Variants in MICU3 observed in about 807,000 individuals in gnomAD.
MICU3 encodes calcium uptake protein 3, mitochondrial.
Under a neutral mutation model 66.5 loss-of-function variants are expected in MICU3, and 62 were observed. The observed-to-expected ratio is 0.93, with a 90% confidence interval of 0.76 to 1.15. The LOEUF (loss-of-function observed/expected upper bound fraction) is 1.15, where lower values mean the gene tolerates loss of function less well. MICU3 is among the 50% of genes most tolerant of loss of function. The probability of loss-of-function intolerance (pLI) is 0.00; values close to 1 mark genes in which losing one functional copy is unlikely to be tolerated. For missense variants in MICU3, 779 were observed against 664.4 expected (o/e 1.17, Z -1.90); for synonymous variants, 308 against 240.7 (o/e 1.28, Z -2.59).
chr8:17,041,136 G>C (rs1652556027), intron 1 of MICU3, among the ~76,000 whole-genome samples: 1 of 152,044 alleles, frequency 6.6e-6, no homozygotes, highest in African/African-American at 2.4e-5. Context: ...CATAAGAATG[G>C]ATGACATTGT....
intron 5 of MICU3, among the ~76,000 whole-genome samples, chr8:17,084,635 C>T (rs1470878062): frequency 6.6e-6 from 1 of 151,944 alleles, no homozygotes; most frequent in Non-Finnish European, 1.5e-5. Flanking sequence ...GAGATTGAAC[C>T]TCATTATTAT....
chr8:17,076,005 T>C (rs79002091), intron 3 of MICU3, among the ~76,000 whole-genome samples: 130 of 152,244 alleles, frequency 8.5e-4, no homozygotes, highest in African/African-American at 2.8e-3. Context: ...ATGTAAAATT[T>C]ATTCAGAATG....
intron 11 of MICU3, among the ~76,000 whole-genome samples, chr8:17,112,765 T>C (rs1802319354): frequency 6.6e-6 from 1 of 152,240 alleles, no homozygotes; most frequent in Admixed American, 6.5e-5. Flanking sequence ...TCGTGTGTTT[T>C]ACTCCTACTA....
At chr8:17,054,070 GA>G (rs1167064956) in intron 1 of MICU3, among the ~76,000 whole-genome samples, 1 of 151,926 alleles carries the variant, frequency 6.6e-6, no homozygotes, top group African/African-American at 2.4e-5. Context: ...CTTTTTGATA[GA>G]AAAAAAATTC....
At chr8:17,132,253 A>G in the MICU3 span, 2 of 152,186 alleles carry the variant, frequency 1.3e-5, no homozygotes, top group African/African-American at 4.8e-5. Flanking sequence ...AAAAAAGGAA[A>G]TATTCAAAAT....
intron 11 of MICU3, among the ~76,000 whole-genome samples, chr8:17,110,197 A>T (rs2150823808): frequency 6.6e-6 from 1 of 152,224 alleles, no homozygotes; most frequent in African/African-American, 2.4e-5. Context: ...TATTGTAATG[A>T]TTTGTTTGGA....
intron 4 of MICU3, among the ~76,000 whole-genome samples, chr8:17,078,596 A>G (rs1310683559): frequency 6.6e-6 from 1 of 152,118 alleles, no homozygotes; most frequent in Non-Finnish European, 1.5e-5. Context: ...AAAATGTTAA[A>G]GAAATTACAT....
intron 2 of MICU3, among the ~76,000 whole-genome samples, chr8:17,064,791 A>G (rs1020595468): frequency 2.0e-5 from 3 of 152,154 alleles, no homozygotes; most frequent in South Asian, 2.1e-4. Context: ...GTTGTTTTCC[A>G]TGAAATATAT....
In MICU3 at chr8:17,027,433, G is replaced by C. The variant is rs375812507; in HGVS notation, c.154G>C (p.Ala52Pro). ...CTCCTCCCGAGAGGATGAGGAGAGG[G>C]CTGTGGCGGAGGCGGCATGGAGGCG... is the stretch of plus-strand genomic sequence containing the variant. The part of the protein sequence containing the change: ...PFSSREDEER[A>P]VAEAAWRRRR... The change falls in exon 1 of 15, where the codon GCT (alanine) becomes CCT (proline). Residue 52 changes from alanine to proline, a missense_variant. Ala to Pro is a conservative substitution (Grantham distance 27). Coordinates refer to ENST00000318063, the MANE Select transcript of MICU3 (RefSeq NM_181723.3). 2 of 1,325,366 alleles carry C rather than the reference G, an allele frequency of 1.5e-6. No homozygotes were observed. Among genetic ancestry groups the C allele is most frequent in the African/African-American group, 3.1e-5 (2 of 65,188 alleles). 82.1% of individuals were successfully genotyped at this position (1,325,366 alleles called of 1,614,324 possible).
At chr8:17,126,194 C>T (rs907561460), downstream of MICU3, among the ~76,000 whole-genome samples, 4 of 152,026 alleles carry the variant, frequency 2.6e-5, no homozygotes, top group East Asian at 1.9e-4. Flanking sequence ...TATAGTACAA[C>T]CTTGAGAGGT....
chr8:17,114,857 C>T (rs544574092), intron 12 of MICU3, among the ~76,000 whole-genome samples: 28 of 152,098 alleles, frequency 1.8e-4, no homozygotes, highest in Middle Eastern at 3.4e-3. Context: ...CGGTGGCTCA[C>T]GCCTGTAATC....
At chr8:17,078,345 C>T (rs766854579) in intron 4 of MICU3, among the ~76,000 whole-genome samples, 11 of 151,970 alleles carry the variant, frequency 7.2e-5, no homozygotes, top group Non-Finnish European at 1.2e-4. Context: ...CCTTTAAAGG[C>T]CAACACTTAC....
chr8:17,043,490 A>G (rs1318786402), intron 1 of MICU3, among the ~76,000 whole-genome samples: 1 of 152,362 alleles, frequency 6.6e-6, no homozygotes, highest in African/African-American at 2.4e-5. Flanking sequence ...GCTTAAAAAT[A>G]TAGTCATAAG....
At chr8:17,072,118 T>A (rs2150680021) in intron 3 of MICU3, among the ~76,000 whole-genome samples, 1 of 152,124 alleles carries the variant, frequency 6.6e-6, no homozygotes, top group Non-Finnish European at 1.5e-5. Flanking sequence ...ACCATTGAGA[T>A]GAGAATAATG....
In MICU3 at chr8:17,063,620, G is replaced by A. The variant is rs544006236; in HGVS notation, c.382-464G>A. 1.3e-4 allele frequency among the ~76,000 whole-genome samples: 20 copies of A among 152,112 alleles called. No homozygotes were observed. The East Asian group carries it at 3.1e-3, about 24-fold the overall frequency. On this transcript the variant is annotated intron_variant, in intron 1 of 14. Transcript: ENST00000318063. ...AATATTACCACTAATGGTTTCCTTA[G>A]TGGTAGTTATAAGTAGCCTATTGGG...
the MICU3 span, among the ~76,000 whole-genome samples, chr8:17,130,878 C>G: frequency 6.6e-6 from 1 of 152,146 alleles, no homozygotes; most frequent in Non-Finnish European, 1.5e-5. Flanking sequence ...AACATTCCAA[C>G]TAAAACTCAG....
rs1479299445 is a variant in MICU3 at position 17,097,905 on chromosome 8, C to G, written c.889-553C>G. 4.0e-5 allele frequency among the ~76,000 whole-genome samples: 6 copies of G among 151,798 alleles called. No homozygotes were observed. The South Asian group carries it at 1.0e-3, about 26-fold the overall frequency. ...ACCGTAACCATTCACAATAGAAACA[C>G]CTGCCAAATCTCAAGTAGTTTTGAG... On this transcript the variant is annotated intron_variant, in intron 8 of 14. Coordinates refer to ENST00000318063, the MANE Select transcript of MICU3 (RefSeq NM_181723.3).
At chr8:17,069,261 C>T (rs1461393373) in intron 2 of MICU3, among the ~76,000 whole-genome samples, 2 of 152,014 alleles carry the variant, frequency 1.3e-5, no homozygotes, top group African/African-American at 4.8e-5. Flanking sequence ...CGTCATGGAA[C>T]ACTAGTATAG....
rs775432229 is a variant in MICU3, at chr8:17,104,405, C to T, written c.999C>T (p.Ile333=). ...TTTTTTTTAAGCGTGCTGATGACAT[C>T]ACAAGTTTAGTAACAGATACTACAC... ...FSDLAERADD[I]TSLVTDTTLL... The change falls in exon 10 of 15, where the codon ATC becomes ATT. Residue 333 remains isoleucine (I), a synonymous_variant. Coordinates refer to ENST00000318063, the MANE Select transcript of MICU3 (RefSeq NM_181723.3). The T allele has an allele frequency of 3.5e-6, 5 of 1,412,538 alleles. No individual in the cohort carries two copies. The Admixed American group carries it at 1.1e-4, about 30-fold the overall frequency. The allele number at this position is 1,412,538 out of a possible 1,614,324, so 87.5% of individuals were successfully genotyped here. A position where few individuals can be genotyped will look rare whatever the true frequency, so the allele number is the denominator to read the frequency against.
Sources: gnomAD v4.1 joint callset for allele counts (sites outside exome capture counted in the v4.1 genomes callset) on GRCh38, gnomAD v4.1.1 for gene constraint, MANE v1.5 for transcripts, NCBI Gene and HGNC (gene_info 2026-07-23, HGNC 2026-07-21) for gene names.